SNX30: variants seen among roughly 807,000 people sequenced by gnomAD.
The protein encoded by SNX30 is sorting nexin-30.
SNX30 carries 24 observed loss-of-function variants against 46.4 expected under a neutral mutation model. The ratio of observed to expected loss-of-function variants is 0.52; its 90% CI spans 0.37 to 0.73. The LOEUF is 0.73. SNX30 is among the 30% of genes least tolerant of loss of function. The pLI, the probability that SNX30 is intolerant of heterozygous loss-of-function variation, is 0.00. For synonymous variants in SNX30, 189 were observed against 211.5 expected (o/e 0.89, Z 0.92); for missense variants, 533 against 555.7 (o/e 0.96, Z 0.41).
At chr9:112,848,237 C>T (rs554076996) in intron 6 of SNX30, among the ~76,000 whole-genome samples, 219 of 152,062 alleles carry the variant, frequency 1.4e-3, no homozygotes, top group East Asian at 7.8e-4. Flanking sequence ...CTGCAGACGC[C>T]GGCTTGGTCT....
Position 112,764,068 on chromosome 9 carries a change from A to G in SNX30, c.156+12911A>G, listed in dbSNP as rs147853872. On this transcript the variant is annotated intron_variant, in intron 1 of 8. Coordinates refer to ENST00000374232, the MANE Select transcript of SNX30 (RefSeq NM_001012994.2). The stretch of plus-strand genomic sequence containing the variant: ...ATGCCCTATGTCCATGTAGATGATG[A>G]AAGTTATGTATAGGGAATAAAGTAG... Among the ~76,000 whole-genome samples, 1,450 of 152,186 alleles carry G rather than the reference A, an allele frequency of 9.5e-3. 13 individuals carry two copies. Among genetic ancestry groups the G allele is most frequent in the Middle Eastern group, 0.024 (7 of 294 alleles).
chr9:112,758,224 C>T (rs1045353065), intron 1 of SNX30, among the ~76,000 whole-genome samples: 6 of 152,154 alleles, frequency 3.9e-5, no homozygotes, highest in African/African-American at 1.4e-4. Context: ...CACCCCCCAT[C>T]CTCTTGGAGA....
chr9:112,783,195 C>A lies in SNX30; in HGVS notation c.157-21581C>A, dbSNP rs910155529. ...CCGGTAGGTAACTGTTTAATGAAAT[C>A]TCTGGCGCCATGGAGGCAGACGGTG... is the stretch of plus-strand genomic sequence containing the variant. On this transcript the variant is annotated intron_variant, in intron 1 of 8. Transcript: ENST00000374232. Among the ~76,000 whole-genome samples the A allele has an allele frequency of 5.3e-5, 8 of 152,338 alleles. No individual in the cohort carries two copies. The South Asian group carries it at 1.7e-3, about 32-fold the overall frequency.
intron 1 of SNX30, among the ~76,000 whole-genome samples, chr9:112,789,785 G>C (rs925900216): frequency 1.3e-4 from 20 of 152,192 alleles, no homozygotes; most frequent in African/African-American, 4.3e-4. Context: ...TTATGATCTT[G>C]TTAAGAAGTG....
chr9:112,862,995 C>T (rs986813006), intron 7 of SNX30, among the ~76,000 whole-genome samples: 1 of 152,140 alleles, frequency 6.6e-6, no homozygotes, highest in Admixed American at 6.5e-5. Context: ...CTGGTTTCAC[C>T]CATGTCTAGT....
At position 112,798,107 on chromosome 9, in the gene SNX30, GT is replaced by G. The variant is rs58014041; in HGVS notation, c.157-6656del. ...CAGGGAGCTTTCCTTGTTGAGGTTT[GT>G]TTTTTTTTTTTTCTTTTTTTTTTTT... is the stretch of plus-strand genomic sequence containing the variant. On this transcript the variant is annotated intron_variant, in intron 1 of 8. Transcript: ENST00000374232. 5.0e-3 allele frequency among the ~76,000 whole-genome samples: 408 copies of G among 81,126 alleles called. 2 individuals are homozygous for G. The highest frequency in any genetic ancestry group is 0.012 in the African/African-American group (258 of 20,954). The allele number at this position is 81,126 out of a possible 152,430, so 53.2% of individuals were successfully genotyped here. A position where few individuals can be genotyped will look rare whatever the true frequency, so the allele number is the denominator to read the frequency against.
intron 2 of SNX30, among the ~76,000 whole-genome samples, chr9:112,809,491 A>G (rs1840283271): frequency 6.6e-6 from 1 of 152,096 alleles, no homozygotes; most frequent in African/African-American, 2.4e-5. Context: ...GAGGGTGAGG[A>G]AACAGAGGCG....
chr9:112,843,446 C>T (rs747831874), intron 6 of SNX30, among the ~76,000 whole-genome samples: 21 of 151,862 alleles, frequency 1.4e-4, no homozygotes, highest in African/African-American at 3.1e-4. Flanking sequence ...GAGTGAGCTG[C>T]GCAAGGGTCG....
At chr9:112,838,111 C>G (rs919859515) in intron 5 of SNX30, among the ~76,000 whole-genome samples, 3 of 151,662 alleles carry the variant, frequency 2.0e-5, no homozygotes, top group Non-Finnish European at 2.9e-5. Context: ...AGGATGGTCT[C>G]GATCTCCTGA....
chr9:112,828,615 G>T (rs1002857852), intron 3 of SNX30, among the ~76,000 whole-genome samples: 1 of 152,168 alleles, frequency 6.6e-6, no homozygotes, highest in African/African-American at 2.4e-5. Context: ...CCTTCATGGG[G>T]GCAGGAATAA....
intron 1 of SNX30, among the ~76,000 whole-genome samples, chr9:112,762,333 C>T (rs920243667): frequency 3.3e-5 from 5 of 151,908 alleles, no homozygotes; most frequent in African/African-American, 9.7e-5. Context: ...TTTGGGTGGC[C>T]GAGTGCAGGC....
At chr9:112,880,460 C>G (rs1012078137) in exon 5 of SNX30, 3 of 153,946 alleles carry the variant, frequency 1.9e-5, no homozygotes, top group African/African-American at 7.2e-5. Context: ...ACCAAGGAAC[C>G]AACTCAGCAC....
intron 2 of SNX30, among the ~76,000 whole-genome samples, chr9:112,817,401 C>T (rs1311424425): frequency 1.9e-3 from 90 of 46,812 alleles, no homozygotes; most frequent in Middle Eastern, 0.024. Flanking sequence ...AAAAAACTGG[C>T]TTTTTTTTTT....
At chr9:112,804,117 C>T (rs993992288) in intron 1 of SNX30, among the ~76,000 whole-genome samples, 4 of 151,334 alleles carry the variant, frequency 2.6e-5, no homozygotes, top group Admixed American at 2.6e-4. Context: ...ACGCTGGGAG[C>T]TGTAGACCGG....
At chr9:112,827,680 GT>G (rs1840598605) in intron 3 of SNX30, among the ~76,000 whole-genome samples, 1 of 152,066 alleles carries the variant, frequency 6.6e-6, no homozygotes, top group African/African-American at 2.4e-5. Context: ...TTTCTGGTTT[GT>G]TTTTGTCCTT....
chr9:112,763,359 A>ACTTT (rs1839475142), intron 1 of SNX30, among the ~76,000 whole-genome samples: 1 of 67,102 alleles, frequency 1.5e-5, no homozygotes, highest in African/African-American at 6.7e-5. Flanking sequence ...TGCTATTTAA[A>ACTTT]CTTTTTTTTT....
intron 1 of SNX30, among the ~76,000 whole-genome samples, chr9:112,761,830 C>T (rs991862509): frequency 6.6e-6 from 1 of 152,120 alleles, no homozygotes; most frequent in African/African-American, 2.4e-5. Flanking sequence ...CAAATGCTGC[C>T]TCCAGGAAGC....
At chr9:112,782,380 G>A (rs570690386) in intron 1 of SNX30, among the ~76,000 whole-genome samples, 20 of 152,216 alleles carry the variant, frequency 1.3e-4, no homozygotes, top group African/African-American at 4.6e-4. Flanking sequence ...AGTTTTATTA[G>A]AACATAACCA....
intron 8 of SNX30, among the ~76,000 whole-genome samples, chr9:112,866,277 G>A (rs1841342059): frequency 1.3e-5 from 2 of 152,124 alleles, no homozygotes; most frequent in African/African-American, 4.8e-5. Flanking sequence ...CAGACTAAGG[G>A]TGGGAGGGGC....
Sources: gnomAD v4.1 joint callset for allele counts (sites outside exome capture counted in the v4.1 genomes callset) on GRCh38, gnomAD v4.1.1 for gene constraint, MANE v1.5 for transcripts, NCBI Gene and HGNC (gene_info 2026-07-23, HGNC 2026-07-21) for gene names.